The following EPHA1 variants were observed in gnomAD, a reference collection of about 807,000 sequenced individuals.
The protein encoded by EPHA1 is ephrin type-A receptor 1.
Under a neutral mutation model 110.1 loss-of-function variants are expected in EPHA1, and 92 were observed. The ratio of observed to expected loss-of-function variants is 0.84; its 90% CI spans 0.71 to 0.99. EPHA1 has a LOEUF of 0.99. Among genes scored for constraint, EPHA1 ranks in the 50% least tolerant of loss-of-function variants. The probability of loss-of-function intolerance (pLI) is 0.00; values close to 1 mark genes in which losing one functional copy is unlikely to be tolerated. For synonymous variants in EPHA1, 500 were observed against 516.1 expected (o/e 0.97, Z 0.42); for missense variants, 1,204 against 1,285.4 (o/e 0.94, Z 0.97).
chr7:143,395,002 G>C lies in EPHA1; in HGVS notation c.2158C>G (p.Gln720Glu). The C allele has an allele frequency of 6.2e-7, 1 of 1,614,064 alleles. No homozygotes were observed. Among genetic ancestry groups the C allele is most frequent in the Non-Finnish European group, 8.5e-7 (1 of 1,180,026 alleles). Residue 720 changes from glutamine to glutamate, a missense_variant, in exon 14 of 18, where the codon CAG (glutamine) becomes GAG (glutamate). Gln to Glu is a conservative substitution (Grantham distance 29). Transcript: ENST00000275815. The surrounding 1 kb of genome is among the most constrained non-coding windows in gnomAD (Gnocchi z 4.7). ...LDAFLREREDQLVPGQLVAML... is the reference protein window; with the variant it reads ...LDAFLREREDELVPGQLVAML... ...GCCACTAGCTGCCCAGGGACCAGCT[G>C]GTCCTCCCGCTCCTGCAGCAGGGTG... is the stretch of plus-strand genomic sequence containing the variant.
chr7:143,397,553 G>A lies in EPHA1; in HGVS notation c.1712+8C>T. ...GCTGGTGGTTGGGGAGGGGGCAGGA[G>A]CTGGCACCTGGACCGGAAAACGAGA... On this transcript the variant is annotated splice_region_variant and intron_variant, in intron 9 of 17. Transcript: ENST00000275815. 1.9e-6 allele frequency: 3 copies of A among 1,614,006 alleles called. No homozygotes were observed. Among genetic ancestry groups the A allele is most frequent in the Non-Finnish European group, 2.5e-6 (3 of 1,179,924 alleles).
chr7:143,391,323 C>T lies in EPHA1; in HGVS notation c.*134G>A. 1.8e-6 allele frequency: 2 copies of T among 1,082,162 alleles called. No individual in the cohort carries two copies. The highest frequency in any genetic ancestry group is 2.6e-5 in the East Asian group (1 of 38,408). The allele number at this position is 1,082,162 out of a possible 1,614,324, so 67.0% of individuals were successfully genotyped here. On this transcript the variant is annotated 3_prime_UTR_variant, in exon 18 of 18. Coordinates refer to ENST00000275815, the MANE Select transcript of EPHA1 (RefSeq NM_005232.5). ...TTCTGGGGTGCAGAGCAGGGTTCTC[C>T]TGAAAGTGGGCAGAAGCAGCACCGA...
chr7:143,407,312 G>A (rs1049140502), intron 2 of EPHA1, among the ~76,000 whole-genome samples: 1 of 152,068 alleles, frequency 6.6e-6, no homozygotes, highest in African/African-American at 2.4e-5. Context: ...CCAGCATGGT[G>A]CATTCTCTCC....
chr7:143,397,536 T>C, intron 9 of EPHA1, 25 bp downstream of exon 9: 14 of 1,602,916 alleles, frequency 8.7e-6, no homozygotes, highest in East Asian at 2.2e-5. Context: ...GGGCTGGTGG[T>C]TGGGGAGGGG....
intron 1 of EPHA1, among the ~76,000 whole-genome samples, chr7:143,408,301 C>T (rs979565556): frequency 1.1e-4 from 16 of 152,172 alleles, no homozygotes; most frequent in Non-Finnish European, 2.9e-5. Flanking sequence ...AACCCTTCTC[C>T]CGGAGGCAGC....
chr7:143,395,192 A>G lies in EPHA1; in HGVS notation c.2084-10T>C, dbSNP rs1156424178. The stretch of plus-strand genomic sequence containing the variant: ...ATCATGATCGGCTTTCCTGAGACAC[A>G]GACACACATATCACACTCAGAACCG... On this transcript the variant is annotated splice_polypyrimidine_tract_variant and intron_variant, in intron 12 of 17. Transcript: ENST00000275815. This position sits in a 1 kb window ranked among gnomAD's most constrained non-coding sequence, Gnocchi z 4.7. The G allele has an allele frequency of 6.2e-7, 1 of 1,613,222 alleles. No individual in the cohort carries two copies. Among genetic ancestry groups the G allele is most frequent in the Admixed American group, 1.7e-5 (1 of 59,990 alleles).
At chr7:143,396,353 G>T in intron 11 of EPHA1, 32 bp downstream of exon 11, 1 of 1,603,012 alleles carries the variant, frequency 6.2e-7, no homozygotes, top group Middle Eastern at 2.2e-4. Flanking sequence ...CCACATGGCG[G>T]GGGGCCTGCT....
chr7:143,402,695 G>C (rs144453094), intron 2 of EPHA1, among the ~76,000 whole-genome samples: 1 of 152,176 alleles, frequency 6.6e-6, no homozygotes, highest in East Asian at 1.9e-4. Context: ...CCCAGTCACC[G>C]GTTTAAGCAC....
rs771539836 is a variant in EPHA1 at position 143,399,456 on chromosome 7, T to C, written c.836-43A>G. 4 of 1,547,912 alleles carry C rather than the reference T, an allele frequency of 2.6e-6. No individual in the cohort carries two copies. The African/African-American group carries it at 4.1e-5, about 16-fold the overall frequency. The stretch of plus-strand genomic sequence containing the variant: ...CAGAGCAGTGGTTCTGTAAATGTTT[T>C]TACAGGCAGAACCACCACCACCCCT... On this transcript the variant is annotated intron_variant, in intron 4 of 17. Coordinates refer to ENST00000275815, the MANE Select transcript of EPHA1 (RefSeq NM_005232.5).
intron 14 of EPHA1, 61 bp downstream of exon 14, chr7:143,394,747 T>C (rs1805196013): frequency 3.1e-6 from 5 of 1,589,716 alleles, no homozygotes; most frequent in Non-Finnish European, 3.4e-6. Context: ...TACATGTGAC[T>C]GTATGAATGG....
rs541812228 is a variant in EPHA1 at position 143,391,726 on chromosome 7, G to T, written c.2746C>A (p.Arg916=). 3 of 1,613,848 alleles carry T rather than the reference G, an allele frequency of 1.9e-6. No homozygotes were observed. Among genetic ancestry groups the T allele is most frequent in the Non-Finnish European group, 2.5e-6 (3 of 1,180,032 alleles). Residue 916 remains arginine, a synonymous_variant, in exon 17 of 18, where the codon CGA becomes AGA. Coordinates refer to ENST00000275815, the MANE Select transcript of EPHA1 (RefSeq NM_005232.5). ...GACTCGAGCCACTCAGAGACGGTTC[G>T]ATATGGGATCCCATCTGAGCCACTC... The part of the protein sequence containing the change: ...SLSGSDGIPY[R]TVSEWLESIR...
chr7:143,404,662 C>G (rs910911160), intron 2 of EPHA1, among the ~76,000 whole-genome samples: 1 of 152,008 alleles, frequency 6.6e-6, no homozygotes, highest in Non-Finnish European at 1.5e-5. Context: ...CGTTTTTGGA[C>G]TTTCTATCCT....
At chr7:143,402,242 C>T (rs897052928) in intron 2 of EPHA1, among the ~76,000 whole-genome samples, 3 of 152,076 alleles carry the variant, frequency 2.0e-5, no homozygotes, top group African/African-American at 7.2e-5. Flanking sequence ...TATTAAAACC[C>T]TTTAGATTTG....
chr7:143,394,082 T>C lies in EPHA1; in HGVS notation c.2502+112A>G, dbSNP rs1586578032. 5.6e-6 allele frequency: 8 copies of C among 1,428,410 alleles called. No homozygotes were observed. In the East Asian group the frequency reaches 1.6e-4, roughly 29 times the overall value. The allele number at this position is 1,428,410 out of a possible 1,614,324, so 88.5% of individuals were successfully genotyped here. On this transcript the variant is annotated intron_variant, in intron 15 of 17. Transcript: ENST00000275815. ...AGAGGAGCCAGGAGTACAGAAAAAC[T>C]GAAGGTCATGAATAAATAAAGATAT...
In EPHA1 at chr7:143,393,586, G is replaced by A; in HGVS notation, c.2696+85C>T. The A allele has an allele frequency of 6.8e-7, 1 of 1,478,832 alleles. No homozygotes were observed. Among genetic ancestry groups the A allele is most frequent in the Non-Finnish European group, 9.2e-7 (1 of 1,091,082 alleles). 91.6% of individuals were successfully genotyped at this position (1,478,832 alleles called of 1,614,324 possible). A position where few individuals can be genotyped will look rare whatever the true frequency, so the allele number is the denominator to read the frequency against. ...CTTGGTCCAGAGCTCCCCAGGCCCA[G>A]CGCTCAAAGAAGATTGGCTGAATGC... On this transcript the variant is annotated intron_variant, in intron 16 of 17. Transcript: ENST00000275815. This position sits in a 1 kb window ranked among gnomAD's most constrained non-coding sequence, Gnocchi z 5.6.
Position 143,396,513 on chromosome 7 carries a change from A to C in EPHA1, c.1772-3T>G. 6.2e-7 allele frequency: 1 copy of C among 1,613,664 alleles called. No individual in the cohort carries two copies. Among genetic ancestry groups the C allele is most frequent in the African/African-American group, 1.3e-5 (1 of 75,044 alleles). On this transcript the variant is annotated splice_region_variant and splice_polypyrimidine_tract_variant and intron_variant, in intron 10 of 17. Transcript: ENST00000275815. ...AGGCTTCAGCCACAGCTTGTCCTCT[A>C]TGGGCAGAACATGAGGTTGGGGAGT... is the stretch of plus-strand genomic sequence containing the variant.
rs917663836 is a variant in EPHA1 at position 143,396,581 on chromosome 7, C to T, written c.1772-71G>A. The stretch of plus-strand genomic sequence containing the variant: ...GGAGTATGGGGGTCAGGAGAAGGGC[C>T]AGCAGCGGACCACACACTTCTCCAC... On this transcript the variant is annotated intron_variant, in intron 10 of 17. Transcript: ENST00000275815. 3 of 1,563,650 alleles carry T rather than the reference C, an allele frequency of 1.9e-6. No individual in the cohort carries two copies. In the African/African-American group the frequency reaches 4.1e-5, roughly 21 times the overall value.
chr7:143,398,100 G>C (rs1307233528), intron 7 of EPHA1, 30 bp from the exon 8 acceptor site: 3 of 1,611,024 alleles, frequency 1.9e-6, no homozygotes, highest in Admixed American at 1.7e-5. Context: ...TAAGTGGGCA[G>C]TGCTGAGCCA....
intron 15 of EPHA1, 147 bp downstream of exon 15, chr7:143,394,047 G>A: frequency 1.6e-6 from 2 of 1,270,112 alleles, no homozygotes; most frequent in Non-Finnish European, 2.2e-6. Flanking sequence ...AGGGCATGAG[G>A]TGAAGAACCA....
Sources: allele counts gnomAD v4.1 joint callset (sites outside exome capture counted in the v4.1 genomes callset), GRCh38; gene constraint gnomAD v4.1.1; non-coding constraint Gnocchi (gnomAD v3.1); transcripts MANE v1.5; gene names NCBI Gene and HGNC (gene_info 2026-07-23, HGNC 2026-07-21).